Variants in USP15 observed in about 807,000 individuals in gnomAD.
The protein encoded by USP15 is ubiquitin carboxyl-terminal hydrolase 15.
USP15 carries 18 observed loss-of-function variants against 127.1 expected under a neutral mutation model. That is an observed-to-expected ratio of 0.14 (90% confidence interval 0.10 to 0.21). The LOEUF is 0.21. Ranked by LOEUF, USP15 falls within the 10% of genes least tolerant of loss-of-function variation. The pLI, the probability that USP15 is intolerant of heterozygous loss-of-function variation, is 1.00. For synonymous variants in USP15, 364 were observed against 393.7 expected (o/e 0.92, Z 0.89); for missense variants, 805 against 1,159.9 (o/e 0.69, Z 4.44).
Position 62,302,775 on chromosome 12 carries a change from T to A in USP15, c.218-15T>A, listed in dbSNP as rs1565834667. 6.3e-6 allele frequency: 10 copies of A among 1,599,544 alleles called. No homozygotes were observed. Among genetic ancestry groups the A allele is most frequent in the Non-Finnish European group, 6.8e-6 (8 of 1,171,336 alleles). On this transcript the variant is annotated splice_polypyrimidine_tract_variant and intron_variant, in intron 2 of 21. Transcript: ENST00000280377. ...TATTTAGAGTTAGGTATTGAGTTTA[T>A]TTTTTCTTTTGCAGATGGTGATGCC...
rs2067996828 is a variant in USP15 at position 62,409,913 on chromosome 12, CT to C, written c.*5542del. ...TAAAATTTTTTTTTAATAGTATTTGCTTTTCTTTTAAACTCCATAAAGGAGT... is the reference window on the plus strand; with the variant it reads ...TAAAATTTTTTTTTAATAGTATTTGCTTTCTTTTAAACTCCATAAAGGAGT... On this transcript the variant is annotated 3_prime_UTR_variant, in exon 22 of 22. Transcript: ENST00000280377. 1.3e-5 allele frequency: 2 copies of C among 151,958 alleles called. No homozygotes were observed. Among genetic ancestry groups the C allele is most frequent in the African/African-American group, 4.8e-5 (2 of 41,474 alleles). The allele number at this position is 151,958 out of a possible 1,614,324, so 9.4% of individuals were successfully genotyped here.
At chr12:62,400,915 AT>A (rs1374438033) in intron 20 of USP15, among the ~76,000 whole-genome samples, 1 of 152,058 alleles carries the variant, frequency 6.6e-6, no homozygotes, top group Non-Finnish European at 1.5e-5. Context: ...GTTAATTACC[AT>A]TTATTATCAT....
intron 11 of USP15, among the ~76,000 whole-genome samples, chr12:62,385,466 T>C (rs1453666999): frequency 1.3e-5 from 2 of 151,984 alleles, no homozygotes; most frequent in Admixed American, 1.3e-4. Context: ...TTCAAAGTAA[T>C]TAAAGTCTAG....
chr12:62,281,190 GA>G (rs1296541579), intron 1 of USP15, among the ~76,000 whole-genome samples: 1 of 152,068 alleles, frequency 6.6e-6, no homozygotes, highest in Non-Finnish European at 1.5e-5. Flanking sequence ...TAAATGTATT[GA>G]AATAAAATCT....
intron 11 of USP15, among the ~76,000 whole-genome samples, chr12:62,386,310 G>A (rs965713103): frequency 3.3e-5 from 5 of 151,694 alleles, no homozygotes; most frequent in South Asian, 2.1e-4. Context: ...GAGTTTTCCC[G>A]TCATTGAAGT....
intron 8 of USP15, among the ~76,000 whole-genome samples, chr12:62,381,209 C>G (rs1010146215): frequency 6.6e-6 from 1 of 152,068 alleles, no homozygotes; most frequent in Non-Finnish European, 1.5e-5. Flanking sequence ...AGCTTCTCTC[C>G]CAGTTACCAG....
At chr12:62,270,375 A>G (rs551618073) in intron 1 of USP15, among the ~76,000 whole-genome samples, 2 of 152,024 alleles carry the variant, frequency 1.3e-5, no homozygotes, top group African/African-American at 2.4e-5. Flanking sequence ...TTGAAATTCA[A>G]TTTGCCTGTT....
intron 7 of USP15, among the ~76,000 whole-genome samples, chr12:62,349,621 C>T (rs2065911681): frequency 6.6e-6 from 1 of 152,096 alleles, no homozygotes; most frequent in South Asian, 2.1e-4. Context: ...CATTTTAGAA[C>T]TAGATGTGTA....
intron 20 of USP15, among the ~76,000 whole-genome samples, chr12:62,398,362 G>A (rs1354986448): frequency 4.6e-5 from 7 of 151,798 alleles, no homozygotes; most frequent in Admixed American, 6.6e-5. Context: ...TGTTACTTTG[G>A]GTTTCTATGT....
At chr12:62,385,920 G>C (rs1028664519) in intron 11 of USP15, among the ~76,000 whole-genome samples, 3 of 152,020 alleles carry the variant, frequency 2.0e-5, no homozygotes, top group East Asian at 1.9e-4. Flanking sequence ...ACATTTGTTA[G>C]AGATAATATT....
At chr12:62,345,628 T>C (rs1370451805) in intron 6 of USP15, among the ~76,000 whole-genome samples, 1 of 152,176 alleles carries the variant, frequency 6.6e-6, no homozygotes, top group Admixed American at 6.5e-5. Flanking sequence ...CACCCCATTC[T>C]ACTGGTACCA....
intron 1 of USP15, among the ~76,000 whole-genome samples, chr12:62,280,973 G>GA (rs2063630389): frequency 6.6e-6 from 1 of 152,162 alleles, no homozygotes; most frequent in African/African-American, 2.4e-5. Context: ...AACTCAAAGT[G>GA]AAAATTGGGC....
Position 62,355,390 on chromosome 12 carries a change from C to G in USP15, c.830C>G (p.Ser277Trp), listed in dbSNP as rs774222038. 1 of 1,611,242 alleles carries G rather than the reference C, an allele frequency of 6.2e-7. No homozygotes were observed. Among genetic ancestry groups the G allele is most frequent in the East Asian group, 2.2e-5 (1 of 44,740 alleles). ...ACCGCTTATAAGAACTATGATTATT[C>G]GGAACCTGGAAGAAACAATGAACAG... The part of the protein sequence containing the change: ...SYTAYKNYDY[S>W]EPGRNNEQPG... Residue 277 changes from serine to tryptophan, a missense_variant, in exon 8 of 22, where the codon TCG (serine) becomes TGG (tryptophan). Transcript: ENST00000280377.
chr12:62,355,182 T>A, intron 7 of USP15, 149 bp from the exon 8 acceptor site: 1 of 699,400 alleles, frequency 1.4e-6, no homozygotes, highest in Non-Finnish European at 2.2e-6. Flanking sequence ...TTTTTGAGGT[T>A]CAAGTCTTTA....
At chr12:62,347,208 G>A (rs943175803) in intron 6 of USP15, among the ~76,000 whole-genome samples, 1 of 151,342 alleles carries the variant, frequency 6.6e-6, no homozygotes, top group Non-Finnish European at 1.5e-5. Flanking sequence ...TTAATTCCAT[G>A]GTATTTCATT....
Position 62,404,435 on chromosome 12 carries a change from T to G in USP15, c.*60T>G, listed in dbSNP as rs2067803321. On this transcript the variant is annotated 3_prime_UTR_variant, in exon 22 of 22. Transcript: ENST00000280377. Reference sequence around the variant, plus strand: ...CTGCTGGTGGTATCTATGGAAATGATGAAGTTACCCACCACATTAAAACAA... The same window carrying G: ...CTGCTGGTGGTATCTATGGAAATGAGGAAGTTACCCACCACATTAAAACAA... The G allele has an allele frequency of 2.0e-6, 3 of 1,467,472 alleles. No homozygotes were observed. The highest frequency in any genetic ancestry group is 1.5e-5 in the South Asian group (1 of 68,272). 90.9% of individuals were successfully genotyped at this position (1,467,472 alleles called of 1,614,324 possible). A position where few individuals can be genotyped will look rare whatever the true frequency, so the allele number is the denominator to read the frequency against.
intron 7 of USP15, among the ~76,000 whole-genome samples, chr12:62,349,528 T>G (rs1365366676): frequency 6.6e-6 from 1 of 152,068 alleles, no homozygotes; most frequent in African/African-American, 2.4e-5. Context: ...CACTTAAATT[T>G]TATATACTAA....
At chr12:62,269,262 A>G (rs1358234519) in intron 1 of USP15, among the ~76,000 whole-genome samples, 1 of 152,112 alleles carries the variant, frequency 6.6e-6, no homozygotes, top group African/African-American at 2.4e-5. Flanking sequence ...CCTAGGCAAA[A>G]AAAACCTGTA....
At chr12:62,316,303 C>CA (rs1490209912) in intron 4 of USP15, among the ~76,000 whole-genome samples, 3 of 149,108 alleles carry the variant, frequency 2.0e-5, no homozygotes, top group African/African-American at 7.3e-5. Flanking sequence ...AAAAAAAGCC[C>CA]ATAGAGTCAT....
Sources: allele counts gnomAD v4.1 joint callset (sites outside exome capture counted in the v4.1 genomes callset), GRCh38; gene constraint gnomAD v4.1.1; transcripts MANE v1.5; gene names NCBI Gene and HGNC (gene_info 2026-07-23, HGNC 2026-07-21).